Variants in RBFOX1 observed in about 807,000 individuals in gnomAD.
RBFOX1 encodes the protein RNA binding fox-1 homolog 1, also known as RNA binding protein fox-1 homolog 1.
Under a neutral mutation model 57.7 loss-of-function variants are expected in RBFOX1, and 8 were observed. The ratio of observed to expected loss-of-function variants is 0.14; its 90% CI spans 0.08 to 0.25. RBFOX1 has a LOEUF of 0.25. Ranked by LOEUF, RBFOX1 falls within the 10% of genes least tolerant of loss-of-function variation. The pLI is 1.00. For missense variants in RBFOX1, 611 were observed against 548.5 expected, an observed-to-expected ratio of 1.11 and a Z score of -1.14; for synonymous variants, 326 against 222.4, an observed-to-expected ratio of 1.47 and a Z score of -4.15.
At chr16:5,900,512 C>T (rs895929661) in intron 4 of RBFOX1, among the ~76,000 whole-genome samples, 1 of 152,068 alleles carries the variant, frequency 6.6e-6, no homozygotes, top group East Asian at 1.9e-4. Context: ...GCCCTTTTGC[C>T]CCAGAGTAGA....
At chr16:5,882,537 C>G (rs1465380810) in intron 4 of RBFOX1, among the ~76,000 whole-genome samples, 1 of 152,216 alleles carries the variant, frequency 6.6e-6, no homozygotes, top group Middle Eastern at 3.2e-3. Flanking sequence ...AGAGCTGCCT[C>G]TACCACAGGC....
At position 6,758,709 on chromosome 16, in the gene RBFOX1, C is replaced by T. The variant is rs1360520675; in HGVS notation, c.-16+104059C>T. The stretch of plus-strand genomic sequence containing the variant: ...GTAATTTCTAATTAAAAAGAAAATA[C>T]ATTTTACATTAAATGCTTATATTGA... On this transcript the variant is annotated intron_variant, in intron 3 of 15. Transcript: ENST00000550418. 2.0e-5 allele frequency among the ~76,000 whole-genome samples: 3 copies of T among 152,148 alleles called. No homozygotes were observed. The East Asian group carries it at 5.8e-4, about 29-fold the overall frequency.
intron 3 of RBFOX1, among the ~76,000 whole-genome samples, chr16:5,699,999 A>AT (rs913812077): frequency 5.3e-5 from 8 of 151,894 alleles, no homozygotes; most frequent in African/African-American, 1.9e-4. Flanking sequence ...CGCCCGGCTA[A>AT]TTTTTTGTAT....
chr16:5,898,128 G>A (rs2058212322), intron 4 of RBFOX1, among the ~76,000 whole-genome samples: 1 of 152,146 alleles, frequency 6.6e-6, no homozygotes, highest in South Asian at 2.1e-4. Flanking sequence ...ATGGCAGGAA[G>A]GAGAAGTGTC....
At chr16:7,494,853 C>T (rs1220977353) in intron 4 of RBFOX1, among the ~76,000 whole-genome samples, 4 of 37,612 alleles carry the variant, frequency 1.1e-4, no homozygotes, top group Non-Finnish European at 1.6e-4. Flanking sequence ...TTTTTTTGCA[C>T]TATAAAATCT....
chr16:6,074,258 T>C (rs1889341583), intron 1 of RBFOX1, among the ~76,000 whole-genome samples: 1 of 152,160 alleles, frequency 6.6e-6, no homozygotes, highest in Non-Finnish European at 1.5e-5. Context: ...ATCAAGCTTC[T>C]TTCTCTCTCC....
chr16:7,405,157 A>T (rs564073091), intron 4 of RBFOX1, among the ~76,000 whole-genome samples: 1 of 152,156 alleles, frequency 6.6e-6, no homozygotes, highest in Non-Finnish European at 1.5e-5. Context: ...TGCAGTTGCA[A>T]TTTATTTCCT....
chr16:6,096,815 C>T (rs1597272538), intron 1 of RBFOX1, among the ~76,000 whole-genome samples: 1 of 152,224 alleles, frequency 6.6e-6, no homozygotes, highest in East Asian at 1.9e-4. Flanking sequence ...AACCCAACTG[C>T]TCAAACTGTC....
At chr16:7,463,155 C>G (rs2059885404) in intron 4 of RBFOX1, among the ~76,000 whole-genome samples, 1 of 152,146 alleles carries the variant, frequency 6.6e-6, no homozygotes, top group Non-Finnish European at 1.5e-5. Context: ...TTCCCTCTTG[C>G]TATGCCCTCA....
chr16:7,656,515 G>T (rs1232377789), intron 12 of RBFOX1, among the ~76,000 whole-genome samples: 1 of 144,968 alleles, frequency 6.9e-6, no homozygotes, highest in Non-Finnish European at 1.5e-5. Flanking sequence ...AAAGCAAGTA[G>T]CATAGAGGTT....
chr16:6,564,647 G>A (rs1447757121), intron 2 of RBFOX1, among the ~76,000 whole-genome samples: 1 of 152,024 alleles, frequency 6.6e-6, no homozygotes, highest in African/African-American at 2.4e-5. Context: ...TTTGGGGGTG[G>A]GGGAAATGGA....
chr16:5,989,860 A>ACC (rs2060358972), intron 4 of RBFOX1, among the ~76,000 whole-genome samples: 1 of 111,310 alleles, frequency 9.0e-6, no homozygotes, highest in African/African-American at 3.2e-5. Flanking sequence ...ACACACACAC[A>ACC]CACACACACA....
chr16:7,335,978 T>C (rs72769290), intron 4 of RBFOX1, among the ~76,000 whole-genome samples: 189 of 152,356 alleles, frequency 1.2e-3, no homozygotes, highest in Non-Finnish European at 2.3e-3. Flanking sequence ...AAGAGTAGTA[T>C]TCCCAAGTGC....
chr16:7,467,291 C>G (rs767376182), intron 4 of RBFOX1, among the ~76,000 whole-genome samples: 1 of 152,158 alleles, frequency 6.6e-6, no homozygotes, highest in Non-Finnish European at 1.5e-5. Flanking sequence ...CAGACAGCTG[C>G]TGGGTATGGC....
chr16:6,225,665 A>C (rs1364826433), intron 1 of RBFOX1, among the ~76,000 whole-genome samples: 1 of 152,176 alleles, frequency 6.6e-6, no homozygotes, highest in African/African-American at 2.4e-5. Context: ...AAATTTGCAT[A>C]ATTTAGGCAT....
chr16:7,694,799 C>G (rs72778515), intron 14 of RBFOX1, among the ~76,000 whole-genome samples: 3 of 152,024 alleles, frequency 2.0e-5, no homozygotes, highest in Admixed American at 1.3e-4. Flanking sequence ...AAGGGGAGAC[C>G]GCTTGGAATG....
chr16:7,181,713 C>G lies in RBFOX1; in HGVS notation c.27+129615C>G, dbSNP rs575278036. 3.9e-5 allele frequency among the ~76,000 whole-genome samples: 6 copies of G among 152,178 alleles called. No homozygotes were observed. In the East Asian group the frequency reaches 7.7e-4, roughly 20 times the overall value. ...GAGTAGCTGGGACTACAGGTATGCA[C>G]GATGCCTGGCTAGGTTTTTGTATTT... On this transcript the variant is annotated intron_variant, in intron 4 of 15. Coordinates refer to ENST00000550418, the MANE Select transcript of RBFOX1 (RefSeq NM_018723.4).
intron 4 of RBFOX1, among the ~76,000 whole-genome samples, chr16:7,179,355 A>T (rs796229738): frequency 6.6e-6 from 1 of 152,142 alleles, no homozygotes; most frequent in South Asian, 2.1e-4. Context: ...CTTACCTAAG[A>T]GAACATAATT....
chr16:7,518,544 C>T (rs144623662), intron 5 of RBFOX1, among the ~76,000 whole-genome samples, 155 bp downstream of exon 5: 3 of 152,216 alleles, frequency 2.0e-5, no homozygotes, highest in Admixed American at 6.5e-5. Flanking sequence ...TGAAGTTTAC[C>T]TCATTTCCAT....
Sources: gnomAD v4.1 joint callset for allele counts (sites outside exome capture counted in the v4.1 genomes callset) on GRCh38, gnomAD v4.1.1 for gene constraint, MANE v1.5 for transcripts, NCBI Gene and HGNC (gene_info 2026-07-23, HGNC 2026-07-21) for gene names.